Variants in PHACTR4 observed in about 807,000 individuals in gnomAD.
The protein encoded by PHACTR4 is protein phosphatase 1, regulatory subunit 124.
PHACTR4 carries 51 observed loss-of-function variants against 72.7 expected under a neutral mutation model. That is an observed-to-expected ratio of 0.70 (90% CI 0.56 to 0.89). The LOEUF (loss-of-function observed/expected upper bound fraction) is 0.89, where lower values mean the gene tolerates loss of function less well. Ranked by LOEUF, PHACTR4 falls within the 40% of genes least tolerant of loss-of-function variation. The pLI, the probability that PHACTR4 is intolerant of heterozygous loss-of-function variation, is 0.00. For synonymous variants in PHACTR4, 255 were observed against 302.5 expected (o/e 0.84, Z 1.63); for missense variants, 731 against 861.8 (o/e 0.85, Z 1.90).
intron 2 of PHACTR4, among the ~76,000 whole-genome samples, chr1:28,437,508 G>T (rs1656708287): frequency 1.3e-5 from 2 of 152,324 alleles, no homozygotes; most frequent in African/African-American, 2.4e-5. Context: ...AGGATTACAG[G>T]CATGAGTCAC....
chr1:28,397,793 T>C (rs1653626041), intron 1 of PHACTR4, among the ~76,000 whole-genome samples: 1 of 151,884 alleles, frequency 6.6e-6, no homozygotes, highest in Non-Finnish European at 1.5e-5. Context: ...CCTCCTGGGT[T>C]CAAGCGATTC....
chr1:28,471,933 C>T (rs569103334), intron 6 of PHACTR4, among the ~76,000 whole-genome samples: 4 of 151,986 alleles, frequency 2.6e-5, no homozygotes, highest in Admixed American at 6.6e-5. Flanking sequence ...GACAGTAGGC[C>T]GGGCGCGGTG....
chr1:28,497,326 G>T lies in PHACTR4; in HGVS notation c.*777G>T, dbSNP rs1277494563. 1 of 152,022 alleles carries T rather than the reference G, an allele frequency of 6.6e-6. No homozygotes were observed. Among genetic ancestry groups the T allele is most frequent in the Non-Finnish European group, 1.5e-5 (1 of 68,014 alleles). The allele number at this position is 152,022 out of a possible 1,614,324, so 9.4% of individuals were successfully genotyped here. A position where few individuals can be genotyped will look rare whatever the true frequency, so the allele number is the denominator to read the frequency against. ...CCAGCACTTTGGGAGGCCGAGGTGGGTGGATCACCTGAGGTCAGGAGTTCA... is the reference window on the plus strand; with the variant it reads ...CCAGCACTTTGGGAGGCCGAGGTGGTTGGATCACCTGAGGTCAGGAGTTCA... On this transcript the variant is annotated 3_prime_UTR_variant, in exon 14 of 14. Coordinates refer to ENST00000373839, the MANE Select transcript of PHACTR4 (RefSeq NM_001048183.3).
intron 2 of PHACTR4, among the ~76,000 whole-genome samples, chr1:28,450,076 A>G (rs1657825071): frequency 6.6e-6 from 1 of 152,076 alleles, no homozygotes; most frequent in South Asian, 2.1e-4. Flanking sequence ...CTACTCAAAC[A>G]GGAAACTCCA....
At chr1:28,495,613 ATT>A (rs1328657600) in intron 13 of PHACTR4, among the ~76,000 whole-genome samples, 1 of 146,464 alleles carries the variant, frequency 6.8e-6, no homozygotes, top group African/African-American at 2.5e-5. Flanking sequence ...TTATTTATTT[ATT>A]TTTTTTTTTT....
At chr1:28,457,918 G>GTTT in intron 2 of PHACTR4, 30 of 764,454 alleles carry the variant, frequency 3.9e-5, no homozygotes, top group Admixed American at 6.8e-5. Flanking sequence ...CTTCCTGCTG[G>GTTT]TTTTTTTTTT....
rs564514890 is a variant in PHACTR4 at position 28,484,632 on chromosome 1, G to T, written c.1760+4028G>T. ...TCCATATATATATATGGATTTGATG[G>T]CCATATAAACTCTCTCTTTTTTTTT... On this transcript the variant is annotated intron_variant, in intron 9 of 13. Transcript: ENST00000373839. Among the ~76,000 whole-genome samples, 16 of 151,096 alleles carry T rather than the reference G, an allele frequency of 1.1e-4. No homozygotes were observed. In the East Asian group the frequency reaches 3.1e-3, roughly 29 times the overall value.
intron 2 of PHACTR4, among the ~76,000 whole-genome samples, chr1:28,414,427 CAAAAAAAAAAA>C (rs765271793): frequency 3.3e-5 from 2 of 61,232 alleles, no homozygotes; most frequent in East Asian, 5.7e-4. Context: ...TCCTCTGTCT[CAAAAAAAAAAA>C]AAAAAAAAAA....
intron 1 of PHACTR4, among the ~76,000 whole-genome samples, chr1:28,379,658 C>T (rs1302820606): frequency 1.3e-5 from 2 of 150,412 alleles, no homozygotes; most frequent in African/African-American, 2.5e-5. Context: ...GGCACAATCT[C>T]GGCTCAGTGC....
At chr1:28,425,939 G>T (rs1441891742) in intron 2 of PHACTR4, among the ~76,000 whole-genome samples, 3 of 152,180 alleles carry the variant, frequency 2.0e-5, no homozygotes, top group African/African-American at 7.2e-5. Context: ...ATGTCAACTG[G>T]GCCGGGCACG....
intron 9 of PHACTR4, 21 bp from the exon 10 acceptor site, chr1:28,489,149 C>A: frequency 6.2e-7 from 1 of 1,604,866 alleles, no homozygotes; most frequent in South Asian, 1.1e-5. Context: ...TAAACATTAC[C>A]TTTATTTATC....
intron 6 of PHACTR4, among the ~76,000 whole-genome samples, chr1:28,471,454 GA>G (rs1659555478): frequency 6.6e-6 from 1 of 151,936 alleles, no homozygotes; most frequent in African/African-American, 2.4e-5. Flanking sequence ...GAGTGTTTGA[GA>G]ATACTGAGTG....
At chr1:28,400,855 C>T (rs1302261130) in intron 1 of PHACTR4, among the ~76,000 whole-genome samples, 1 of 152,190 alleles carries the variant, frequency 6.6e-6, no homozygotes, top group African/African-American at 2.4e-5. Context: ...GCTGGGATTA[C>T]AGGCATGAGC....
chr1:28,479,407 G>A (rs1263088188), intron 8 of PHACTR4, among the ~76,000 whole-genome samples: 2 of 134,048 alleles, frequency 1.5e-5, no homozygotes, highest in Admixed American at 7.8e-5. Context: ...GTCACAGAGC[G>A]AGACTCTGTC....
intron 1 of PHACTR4, among the ~76,000 whole-genome samples, chr1:28,380,598 G>C (rs1289823936): frequency 6.6e-6 from 1 of 152,114 alleles, no homozygotes; most frequent in Non-Finnish European, 1.5e-5. Flanking sequence ...TGTGATATTT[G>C]TTTTTCTGTT....
intron 2 of PHACTR4, among the ~76,000 whole-genome samples, chr1:28,434,914 A>G (rs949616956): frequency 6.6e-6 from 1 of 152,170 alleles, no homozygotes; most frequent in Non-Finnish European, 1.5e-5. Flanking sequence ...CCATAAATCT[A>G]TCTTGTTATA....
chr1:28,453,603 CCTT>C, intron 2 of PHACTR4: 1 of 1,116,042 alleles, frequency 9.0e-7, no homozygotes, highest in Non-Finnish European at 1.3e-6. Context: ...GCATTTCTGA[CCTT>C]CTACAGTGAG....
At chr1:28,397,919 G>A (rs1300437146) in intron 1 of PHACTR4, among the ~76,000 whole-genome samples, 2 of 151,570 alleles carry the variant, frequency 1.3e-5, no homozygotes, top group African/African-American at 4.8e-5. Flanking sequence ...TTCACCATTT[G>A]GGCCAGGATG....
At chr1:28,381,649 G>GT (rs1433815929) in intron 1 of PHACTR4, among the ~76,000 whole-genome samples, 1 of 151,982 alleles carries the variant, frequency 6.6e-6, no homozygotes, top group African/African-American at 2.4e-5. Context: ...GTATAAGATG[G>GT]TATCTCATTG....
Sources: gnomAD v4.1 joint callset for allele counts (sites outside exome capture counted in the v4.1 genomes callset) on GRCh38, gnomAD v4.1.1 for gene constraint, MANE v1.5 for transcripts, NCBI Gene and HGNC (gene_info 2026-07-23, HGNC 2026-07-21) for gene names.